Variants in NECAB1 observed in about 807,000 individuals in gnomAD.
The protein encoded by NECAB1 is N-terminal EF-hand calcium binding protein 1, also known as N-terminal EF-hand calcium-binding protein 1.
In NECAB1, 29 loss-of-function variants were observed where a neutral mutation model predicts 57.5. That is an observed-to-expected ratio of 0.50 (90% CI 0.38 to 0.69). The LOEUF is 0.69. NECAB1 is among the 30% of genes least tolerant of loss of function. The pLI, the probability that NECAB1 is intolerant of heterozygous loss-of-function variation, is 0.00. For synonymous variants in NECAB1, 142 were observed against 147.7 expected (o/e 0.96, Z 0.28); for missense variants, 372 against 413.8 (o/e 0.90, Z 0.88).
In NECAB1 at chr8:90,824,759, C is replaced by A; in HGVS notation, c.167C>A (p.Ala56Glu). ...TTTGAAGAATTCAAAGCATATTTTG[C>A]AGATGGTGTTCTCAGTGGAGAAGAA... ...LSFEEFKAYFADGVLSGEELH... is the reference protein window; with the variant it reads ...LSFEEFKAYFEDGVLSGEELH... Residue 56 changes from alanine (A) to glutamate (E), a missense_variant, in exon 3 of 13, where the codon GCA becomes GAA. By Grantham distance (107) the Ala-to-Glu change is moderately radical. Transcript: ENST00000417640. The A allele has an allele frequency of 6.4e-7, 1 of 1,551,714 alleles. No individual in the cohort carries two copies. Among genetic ancestry groups the A allele is most frequent in the Non-Finnish European group, 8.7e-7 (1 of 1,145,838 alleles).
At chr8:90,945,428 G>A (rs1253202531) in intron 10 of NECAB1, among the ~76,000 whole-genome samples, 1 of 151,778 alleles carries the variant, frequency 6.6e-6, no homozygotes, top group Admixed American at 6.6e-5. Flanking sequence ...TTGAACTCCT[G>A]GACTCAAGTG....
Position 90,959,017 on chromosome 8 carries a change from C to CT in NECAB1, c.*3508dup. 1 of 1,406,436 alleles carries CT rather than the reference C, an allele frequency of 7.1e-7. No homozygotes were observed. The highest frequency in any genetic ancestry group is 9.5e-7 in the Non-Finnish European group (1 of 1,054,284). The allele number at this position is 1,406,436 out of a possible 1,614,324, so 87.1% of individuals were successfully genotyped here. On this transcript the variant is annotated 3_prime_UTR_variant, in exon 13 of 13. Coordinates refer to ENST00000417640, the MANE Select transcript of NECAB1 (RefSeq NM_022351.5). Reference sequence around the variant, plus strand: ...TCTGTTCTTAAAATGCTACTTAAAACTTTGGTTGTTTTCCTGTAATATAAA... The same window carrying CT: ...TCTGTTCTTAAAATGCTACTTAAAACTTTTGGTTGTTTTCCTGTAATATAAA...
At chr8:90,919,829 G>A (rs539417707) in intron 6 of NECAB1, among the ~76,000 whole-genome samples, 1 of 152,256 alleles carries the variant, frequency 6.6e-6, no homozygotes, top group Admixed American at 6.5e-5. Context: ...TCTGCCACCT[G>A]AGAAGAGGCT....
intron 3 of NECAB1, among the ~76,000 whole-genome samples, chr8:90,851,112 A>G (rs1235687642): frequency 2.6e-5 from 4 of 152,208 alleles, no homozygotes; most frequent in Non-Finnish European, 5.9e-5. Flanking sequence ...GACAGCATCC[A>G]GGTTTGTGAA....
intron 8 of NECAB1, among the ~76,000 whole-genome samples, chr8:90,929,173 G>C (rs1397718924): frequency 6.6e-6 from 1 of 152,154 alleles, no homozygotes; most frequent in Non-Finnish European, 1.5e-5. Context: ...GTAAGTATTT[G>C]AATGACTGAC....
chr8:90,819,650 A>T (rs1812112001), intron 2 of NECAB1, among the ~76,000 whole-genome samples: 1 of 151,934 alleles, frequency 6.6e-6, no homozygotes, highest in Non-Finnish European at 1.5e-5. Context: ...GGAGTGGGGA[A>T]GCAGACTTGA....
intron 3 of NECAB1, among the ~76,000 whole-genome samples, chr8:90,832,641 G>A (rs1812312998): frequency 6.6e-6 from 1 of 152,038 alleles, no homozygotes; most frequent in African/African-American, 2.4e-5. Context: ...AAGTGATTAT[G>A]TACCAGGCAA....
intron 5 of NECAB1, among the ~76,000 whole-genome samples, chr8:90,898,845 A>G (rs1046496914): frequency 1.3e-5 from 2 of 152,146 alleles, no homozygotes; most frequent in Admixed American, 6.5e-5. Flanking sequence ...TCACCTTCCT[A>G]ATAGTTCATT....
chr8:90,890,849 A>G (rs1481771623), intron 5 of NECAB1, among the ~76,000 whole-genome samples: 1 of 152,230 alleles, frequency 6.6e-6, no homozygotes, highest in Non-Finnish European at 1.5e-5. Context: ...GAGTCTCACC[A>G]TAAAGCAAAA....
At chr8:90,886,975 T>C (rs575916986) in intron 5 of NECAB1, among the ~76,000 whole-genome samples, 3 of 152,208 alleles carry the variant, frequency 2.0e-5, no homozygotes, top group Non-Finnish European at 4.4e-5. Flanking sequence ...TTTATATTTT[T>C]GTTGTTTTAT....
intron 3 of NECAB1, among the ~76,000 whole-genome samples, chr8:90,842,832 G>A (rs955985858): frequency 6.6e-6 from 1 of 152,172 alleles, no homozygotes; most frequent in South Asian, 2.1e-4. Flanking sequence ...GGCCTTTATG[G>A]GTAGTGCTAA....
rs1380539475 is a variant in NECAB1 at position 90,834,986 on chromosome 8, C to CT, written c.233+10175dup. 4.9e-3 allele frequency among the ~76,000 whole-genome samples: 597 copies of CT among 121,082 alleles called. 1 individual carries two copies. Among genetic ancestry groups the CT allele is most frequent in the Non-Finnish European group, 7.4e-3 (442 of 59,678 alleles). 79.4% of individuals were successfully genotyped at this position (121,082 alleles called of 152,430 possible). On this transcript the variant is annotated intron_variant, in intron 3 of 12. Transcript: ENST00000417640. ...TCTCATGAAAGCTTTCCCTGACTTT[C>CT]TTTTTTTTTTTTTTAAAAAAGAGCC...
chr8:90,803,083 G>C (rs879895420), intron 2 of NECAB1, among the ~76,000 whole-genome samples: 4 of 152,008 alleles, frequency 2.6e-5, no homozygotes, highest in Non-Finnish European at 4.4e-5. Flanking sequence ...TTTTAGTAGT[G>C]ACAGTGTTTC....
rs1165255325 is a variant in NECAB1 at position 90,813,232 on chromosome 8, T to TACAC, written c.125-11484_125-11483insCACA. 61 of 49,516 alleles carry TACAC rather than the reference T, an allele frequency of 1.2e-3. 1 individual carries two copies. Among genetic ancestry groups the TACAC allele is most frequent in the Middle Eastern group, 0.01 (1 of 98 alleles). The allele number at this position is 49,516 out of a possible 1,614,324, so 3.1% of individuals were successfully genotyped here. ...ATAAATAAATATATATATATGTATA[T>TACAC]ATACACACACACACACACACACACA... On this transcript the variant is annotated intron_variant, in intron 2 of 12. Coordinates refer to ENST00000417640, the MANE Select transcript of NECAB1 (RefSeq NM_022351.5).
At chr8:90,803,662 C>T (rs1012513262) in intron 2 of NECAB1, among the ~76,000 whole-genome samples, 3 of 152,152 alleles carry the variant, frequency 2.0e-5, no homozygotes, top group Non-Finnish European at 4.4e-5. Context: ...ACCGCCTCTC[C>T]TAATGTCCAT....
chr8:90,830,464 G>A (rs1448660611), intron 3 of NECAB1, among the ~76,000 whole-genome samples: 1 of 152,104 alleles, frequency 6.6e-6, no homozygotes, highest in African/African-American at 2.4e-5. Context: ...AAAGTCCAGA[G>A]TACATCAGAC....
In NECAB1 at chr8:90,955,506, C is replaced by A; in HGVS notation, c.1050C>A (p.Asn350Lys). 1.3e-6 allele frequency: 2 copies of A among 1,555,358 alleles called. No individual in the cohort carries two copies. Among genetic ancestry groups the A allele is most frequent in the African/African-American group, 1.4e-5 (1 of 73,608 alleles). ...TTTCAGCTTCGTGGTGGATCCTGAA[C>A]AACTAGATGTTCCTAGACATTTTCT... The part of the protein sequence containing the change: ...MLVPASWWIL[N>K]N The change falls in exon 13 of 13, where the codon AAC (asparagine) becomes AAA (lysine). Residue 350 changes from asparagine (N) to lysine (K), a missense_variant. Asn to Lys is a moderately conservative substitution (Grantham distance 94). Transcript: ENST00000417640.
chr8:90,889,351 CG>C (rs1809093983), intron 5 of NECAB1, among the ~76,000 whole-genome samples: 1 of 152,142 alleles, frequency 6.6e-6, no homozygotes, highest in Admixed American at 6.5e-5. Flanking sequence ...ATGTGGATAG[CG>C]ATCTTAAGTT....
intron 1 of NECAB1, among the ~76,000 whole-genome samples, chr8:90,798,813 C>A (rs1811712379): frequency 6.6e-6 from 1 of 152,146 alleles, no homozygotes; most frequent in Non-Finnish European, 1.5e-5. Context: ...TGAATATATA[C>A]TCAGTAACGG....
Sources: allele counts gnomAD v4.1 joint callset (sites outside exome capture counted in the v4.1 genomes callset), GRCh38; gene constraint gnomAD v4.1.1; transcripts MANE v1.5; gene names NCBI Gene and HGNC (gene_info 2026-07-23, HGNC 2026-07-21).